DSG3: variants seen among roughly 807,000 people sequenced by gnomAD.
DSG3 encodes the protein desmoglein 3, also known as desmoglein-3.
A neutral mutation model predicts 85.9 loss-of-function variants in DSG3; 63 were observed. The ratio of observed to expected loss-of-function variants is 0.73; its 90% CI spans 0.60 to 0.90. The LOEUF is 0.90. Ranked by LOEUF, DSG3 falls within the 40% of genes least tolerant of loss-of-function variation. The probability of loss-of-function intolerance (pLI) is 0.00; values close to 1 mark genes in which losing one functional copy is unlikely to be tolerated. For synonymous variants in DSG3, 447 were observed against 441.9 expected (o/e 1.01, Z -0.14); for missense variants, 1,220 against 1,219.9 (o/e 1.00, Z 0.00).
At position 31,456,992 on chromosome 18, in the gene DSG3, G is replaced by A; in HGVS notation, c.85-1G>A. The A allele has an allele frequency of 6.2e-7, 1 of 1,601,274 alleles. No individual in the cohort carries two copies. The highest frequency in any genetic ancestry group is 1.1e-5 in the South Asian group (1 of 87,918). Reference sequence around the variant, plus strand: ...ACAAATGGAATCCCTTTTTACATAAGACTAAAGGTCAATATGATGAAGAAG... The same window carrying A: ...ACAAATGGAATCCCTTTTTACATAAAACTAAAGGTCAATATGATGAAGAAG... On this transcript the variant is annotated splice_acceptor_variant, in intron 2 of 15. Coordinates refer to ENST00000257189, the MANE Select transcript of DSG3 (RefSeq NM_001944.3). LOFTEE classifies it high-confidence loss of function.
chr18:31,464,098 A>AT lies in DSG3; in HGVS notation c.1000-7dup, dbSNP rs772095495. Reference sequence around the variant, plus strand: ...TTTTGTGAAACTGCCTTCTAATTTTATTTTTTCTCCAGGCTCTAGATTATG... The same window carrying AT: ...TTTTGTGAAACTGCCTTCTAATTTTATTTTTTTCTCCAGGCTCTAGATTATG... On this transcript the variant is annotated splice_polypyrimidine_tract_variant and intron_variant, in intron 8 of 15. Transcript: ENST00000257189. The AT allele has an allele frequency of 1.9e-6, 3 of 1,602,566 alleles. No homozygotes were observed. The East Asian group carries it at 6.7e-5, about 36-fold the overall frequency.
intron 1 of DSG3, among the ~76,000 whole-genome samples, chr18:31,448,314 A>T (rs1359869317): frequency 6.6e-6 from 1 of 152,230 alleles, no homozygotes; most frequent in Non-Finnish European, 1.5e-5. Context: ...GTCTCTTAGC[A>T]TATAGCTAAG....
rs201860338 is a variant in DSG3 at position 31,457,094 on chromosome 18, A to C, written c.186A>C (p.Glu62Asp). The change falls in exon 3 of 16, where the codon GAA (glutamate) becomes GAC (aspartate). Residue 62 changes from glutamate to aspartate, a missense_variant. Coordinates refer to ENST00000257189, the MANE Select transcript of DSG3 (RefSeq NM_001944.3). ...VKFAKPCREG[E>D]DNSKRNPIAK... ...TTGCCAAACCCTGCAGAGAAGGAGA[A>C]GATAACTCAAAAAGAAACCCAATTG... The C allele has an allele frequency of 1.2e-6, 2 of 1,612,886 alleles. No individual in the cohort carries two copies. Among genetic ancestry groups the C allele is most frequent in the East Asian group, 2.2e-5 (1 of 44,794 alleles).
intron 14 of DSG3, among the ~76,000 whole-genome samples, chr18:31,473,156 A>C (rs553574681): frequency 6.6e-6 from 1 of 152,306 alleles, no homozygotes; most frequent in South Asian, 2.1e-4. Context: ...TGTATCCACC[A>C]CCCAACTTTG....
chr18:31,465,558 GGA>G (rs971760382), intron 10 of DSG3, 101 bp downstream of exon 10: 8 of 1,098,364 alleles, frequency 7.3e-6, no homozygotes, highest in African/African-American at 4.9e-5. Flanking sequence ...CTTTACCACT[GGA>G]GAGAGAGAAT....
At chr18:31,474,450 A>G (rs1373998062) in intron 15 of DSG3, 46 bp downstream of exon 15, 1 of 1,543,574 alleles carries the variant, frequency 6.5e-7, no homozygotes, top group Non-Finnish European at 8.7e-7. Context: ...TATTTACATT[A>G]GAGAACTTTT....
At chr18:31,472,691 T>C (rs1263700681) in intron 13 of DSG3, 34 bp from the exon 14 acceptor site, 1 of 1,610,352 alleles carries the variant, frequency 6.2e-7, no homozygotes, top group East Asian at 2.2e-5. Context: ...TCTGGTTCAC[T>C]TTTAAATGAA....
In DSG3 at chr18:31,467,972, A is replaced by T. The variant is rs544509036; in HGVS notation, c.1637-1117A>T. 1.1e-3 allele frequency among the ~76,000 whole-genome samples: 170 copies of T among 152,330 alleles called. 1 individual carries two copies. Among genetic ancestry groups the T allele is most frequent in the African/African-American group, 3.9e-3 (163 of 41,564 alleles). On this transcript the variant is annotated intron_variant, in intron 11 of 15. Transcript: ENST00000257189. ...CCAATGAAGAGGCTGCCAAAGAAAGATCAGAGAGGGCCGGGATGTGTCACA... is the reference window on the plus strand; with the variant it reads ...CCAATGAAGAGGCTGCCAAAGAAAGTTCAGAGAGGGCCGGGATGTGTCACA...
chr18:31,464,063 G>A lies in DSG3; in HGVS notation c.1000-48G>A, dbSNP rs144245283. 1.7e-4 allele frequency: 261 copies of A among 1,561,720 alleles called. 1 individual carries two copies. In the African/African-American group the frequency reaches 2.7e-3, roughly 16 times the overall value. On this transcript the variant is annotated intron_variant, in intron 8 of 15. Transcript: ENST00000257189. The stretch of plus-strand genomic sequence containing the variant: ...TGCTGTCATCATCTACTGGGTTTGC[G>A]GGAGTGTATTTTTGTGAAACTGCCT...
intron 6 of DSG3, among the ~76,000 whole-genome samples, 184 bp downstream of exon 6, chr18:31,460,195 G>A (rs1430920575): frequency 1.3e-5 from 2 of 152,088 alleles, no homozygotes; most frequent in East Asian, 1.9e-4. Context: ...GATGTGTACC[G>A]GGCACCTGCA....
chr18:31,460,280 A>C (rs1416755214), intron 6 of DSG3, among the ~76,000 whole-genome samples: 1 of 152,220 alleles, frequency 6.6e-6, no homozygotes, highest in Admixed American at 6.5e-5. Context: ...ATAGACATAC[A>C]TGGACAAAGA....
At chr18:31,449,744 T>A (rs2072700175) in intron 1 of DSG3, among the ~76,000 whole-genome samples, 1 of 152,096 alleles carries the variant, frequency 6.6e-6, no homozygotes, top group South Asian at 2.1e-4. Flanking sequence ...TCAAGAAAAT[T>A]TTACATACAC....
intron 1 of DSG3, among the ~76,000 whole-genome samples, chr18:31,448,953 G>A (rs988970533): frequency 1.3e-5 from 2 of 152,122 alleles, no homozygotes; most frequent in African/African-American, 4.8e-5. Flanking sequence ...TGCCCAGGCT[G>A]GAGTGCAGTG....
chr18:31,465,650 G>A lies in DSG3; in HGVS notation c.1411+193G>A, dbSNP rs112476406. On this transcript the variant is annotated intron_variant, in intron 10 of 15. Coordinates refer to ENST00000257189, the MANE Select transcript of DSG3 (RefSeq NM_001944.3). ...CTAAGAGTTTCAACTTCTCAGTGGAGATTGAACCAGTGAATTCTGTGTTAG... is the reference window on the plus strand; with the variant it reads ...CTAAGAGTTTCAACTTCTCAGTGGAAATTGAACCAGTGAATTCTGTGTTAG... 3.5e-3 allele frequency among the ~76,000 whole-genome samples: 530 copies of A among 152,344 alleles called. 9 individuals are homozygous for A. Among genetic ancestry groups the A allele is most frequent in the Admixed American group, 0.032 (483 of 15,294 alleles).
intron 12 of DSG3, 22 bp downstream of exon 12, chr18:31,469,371 C>G: frequency 1.2e-6 from 2 of 1,611,046 alleles, no homozygotes; most frequent in Non-Finnish European, 1.7e-6. Flanking sequence ...ATGTTTCATT[C>G]TCTGTTGGAC....
chr18:31,475,236 G>C (rs1198684430), intron 15 of DSG3, among the ~76,000 whole-genome samples: 1 of 152,156 alleles, frequency 6.6e-6, no homozygotes, highest in Non-Finnish European at 1.5e-5. Flanking sequence ...ATTGAGTTTT[G>C]GTATCAATAC....
intron 11 of DSG3, among the ~76,000 whole-genome samples, 192 bp downstream of exon 11, chr18:31,466,946 A>G (rs189368944): frequency 1.3e-5 from 2 of 152,328 alleles, no homozygotes; most frequent in Admixed American, 6.5e-5. Flanking sequence ...TGTTAGCACC[A>G]TTTCATATTT....
intron 7 of DSG3, 62 bp from the exon 8 acceptor site, chr18:31,461,165 A>T: frequency 7.1e-7 from 1 of 1,407,702 alleles, no homozygotes; most frequent in Non-Finnish European, 9.6e-7. Context: ...ATTTAGAAGA[A>T]ACATAATCTC....
intron 5 of DSG3, among the ~76,000 whole-genome samples, 157 bp from the exon 6 acceptor site, chr18:31,459,687 AG>A (rs2072771359): frequency 6.6e-6 from 1 of 152,250 alleles, no homozygotes; most frequent in Non-Finnish European, 1.5e-5. Context: ...TGGGAGAGAC[AG>A]AAAGAGGTAT....
Sources: gnomAD v4.1 joint callset for allele counts (sites outside exome capture counted in the v4.1 genomes callset) on GRCh38, gnomAD v4.1.1 for gene constraint, MANE v1.5 for transcripts, NCBI Gene and HGNC (gene_info 2026-07-23, HGNC 2026-07-21) for gene names.